The following PSAP variants were observed in gnomAD, a reference collection of about 807,000 sequenced individuals.
PSAP encodes precursor of saposins.
PSAP carries 25 observed loss-of-function variants against 66.0 expected under a neutral mutation model. That is an observed-to-expected ratio of 0.38 (90% CI 0.28 to 0.53). The LOEUF (loss-of-function observed/expected upper bound fraction) is 0.53. PSAP is among the 20% of genes least tolerant of loss of function. The pLI, the probability that PSAP is intolerant of heterozygous loss-of-function variation, is 0.83. For missense variants in PSAP, 649 were observed against 668.8 expected, an observed-to-expected ratio of 0.97 and a Z score of 0.33; for synonymous variants, 273 against 258.9, an observed-to-expected ratio of 1.05 and a Z score of -0.52.
intron 1 of PSAP, among the ~76,000 whole-genome samples, chr10:71,845,127 C>T (rs947855108): frequency 1.3e-5 from 2 of 152,106 alleles, no homozygotes; most frequent in Admixed American, 6.6e-5. Context: ...AAGATTTGGT[C>T]CCACCCACAG....
intron 5 of PSAP, among the ~76,000 whole-genome samples, chr10:71,828,605 A>G (rs547184104): frequency 6.6e-6 from 1 of 152,322 alleles, no homozygotes; most frequent in East Asian, 1.9e-4. Flanking sequence ...TGATCACACC[A>G]CTGCACTCCA....
chr10:71,845,551 C>A (rs1589460298), intron 1 of PSAP, among the ~76,000 whole-genome samples: 1 of 152,198 alleles, frequency 6.6e-6, no homozygotes, highest in Non-Finnish European at 1.5e-5. Context: ...GGAGCTGCTA[C>A]CAGGCTGTTT....
At chr10:71,843,128 C>T (rs1392141220) in intron 1 of PSAP, among the ~76,000 whole-genome samples, 1 of 152,112 alleles carries the variant, frequency 6.6e-6, no homozygotes, top group Non-Finnish European at 1.5e-5. Context: ...TCAGGCACAT[C>T]AGTGGGGAAC....
At chr10:71,822,612 C>G (rs1287653297) in intron 7 of PSAP, 3 of 472,146 alleles carry the variant, frequency 6.4e-6, no homozygotes, top group Non-Finnish European at 8.8e-6. Context: ...GATCCCCTTT[C>G]ACCATTTAGA....
chr10:71,830,004 T>TA (rs1407393939), intron 4 of PSAP, among the ~76,000 whole-genome samples: 2 of 151,728 alleles, frequency 1.3e-5, no homozygotes, highest in Non-Finnish European at 2.9e-5. Context: ...CTCAAAAAAA[T>TA]AAATAAATAA....
In PSAP at chr10:71,828,945, G is replaced by A. The variant is rs761637109; in HGVS notation, c.508C>T (p.Pro170Ser). The change falls in exon 5 of 14, where the codon CCC (proline) becomes TCC (serine). Residue 170 changes from proline to serine, a missense_variant. Physicochemically the swap from Pro to Ser is moderately conservative, Grantham distance 74. Coordinates refer to ENST00000394936, the MANE Select transcript of PSAP (RefSeq NM_002778.4). ...PELDMTEVVA[P>S]FMANIPLLLY... is the part of the protein sequence containing the mutation. ...AGGAGAGGGATGTTGGCCATGAAGG[G>A]GGCCACCACCTCAGTCATGTCCAGC... is the stretch of plus-strand genomic sequence containing the variant. 2.5e-6 allele frequency: 4 copies of A among 1,614,036 alleles called. No homozygotes were observed. The South Asian group carries it at 3.3e-5, about 13-fold the overall frequency.
At position 71,821,966 on chromosome 10, in the gene PSAP, C is replaced by T. The variant is rs1842309545; in HGVS notation, c.819G>A (p.Glu273=). 1 of 1,614,046 alleles carries T rather than the reference C, an allele frequency of 6.2e-7. No homozygotes were observed. Among genetic ancestry groups the T allele is most frequent in the African/African-American group, 1.3e-5 (1 of 74,896 alleles). ...GAGTCTGCATGGGCATCTCTTTCAC[C>T]TCATCACAGAACCCAACCAGCGCAC... ...EICALVGFCD[E]VKEMPMQTLV... The change falls in exon 8 of 14, where the codon GAG becomes GAA. Residue 273 remains glutamate, a synonymous_variant. Transcript: ENST00000394936.
intron 7 of PSAP, among the ~76,000 whole-genome samples, chr10:71,823,606 A>G (rs1295124020): frequency 1.3e-5 from 2 of 152,148 alleles, no homozygotes; most frequent in African/African-American, 2.4e-5. Flanking sequence ...GGTGGCCTGC[A>G]TGTACGTATG....
At chr10:71,835,821 G>GAAAAAAAAAAAAAAAA in intron 1 of PSAP, among the ~76,000 whole-genome samples, 1 of 49,416 alleles carries the variant, frequency 2.0e-5, no homozygotes, top group Non-Finnish European at 4.5e-5. Flanking sequence ...GTCTGAGACA[G>GAAAAAAAAAAAAAAAA]AAAAAAAAAA....
At position 71,819,715 on chromosome 10, in the gene PSAP, G is replaced by T; in HGVS notation, c.1191C>A (p.Thr397=). ...LCSGTRLPAL[T]VHVTQPKDGG... ...TCCCGCACCACACCCAGCGCTCACC[G>T]GTCAGTGCAGGCAGCCGCGTGCCAG... The change falls in exon 10 of 14, where the codon ACC becomes ACA. Residue 397 remains threonine (T), a splice_region_variant and synonymous_variant. Coordinates refer to ENST00000394936, the MANE Select transcript of PSAP (RefSeq NM_002778.4). 6.2e-7 allele frequency: 1 copy of T among 1,614,034 alleles called. No homozygotes were observed. The highest frequency in any genetic ancestry group is 8.5e-7 in the Non-Finnish European group (1 of 1,180,018).
At chr10:71,820,945 G>C (rs761842911) in intron 8 of PSAP, among the ~76,000 whole-genome samples, 2 of 152,238 alleles carry the variant, frequency 1.3e-5, no homozygotes, top group Admixed American at 6.5e-5. Context: ...GGCTGGTGTA[G>C]CCAAGGGGCT....
intron 8 of PSAP, among the ~76,000 whole-genome samples, chr10:71,821,429 G>C (rs1842298527): frequency 1.3e-5 from 2 of 152,190 alleles, no homozygotes; most frequent in South Asian, 4.1e-4. Context: ...AGGTGTTTTA[G>C]TTAAATAAAA....
intron 6 of PSAP, 44 bp downstream of exon 6, chr10:71,827,970 C>T: frequency 6.2e-7 from 1 of 1,613,116 alleles, no homozygotes; most frequent in Non-Finnish European, 8.5e-7. Flanking sequence ...CAGCCCAACT[C>T]CCAGGCCCAG....
At chr10:71,821,634 C>T (rs1422721425) in intron 8 of PSAP, among the ~76,000 whole-genome samples, 1 of 152,144 alleles carries the variant, frequency 6.6e-6, no homozygotes, top group Admixed American at 6.6e-5. Flanking sequence ...AATACACAGG[C>T]TAATGATCCC....
intron 2 of PSAP, 32 bp from the exon 3 acceptor site, chr10:71,831,952 G>A: frequency 6.3e-7 from 1 of 1,591,894 alleles, no homozygotes; most frequent in East Asian, 2.2e-5. Flanking sequence ...ATTTGTATTT[G>A]CAGGACACAA....
intron 1 of PSAP, among the ~76,000 whole-genome samples, chr10:71,847,283 C>G (rs542231611): frequency 1.3e-5 from 2 of 152,246 alleles, no homozygotes; most frequent in African/African-American, 4.8e-5. Context: ...GGTGAAACCC[C>G]ATCTCTACTA....
At chr10:71,826,629 G>A (rs1477130249) in intron 6 of PSAP, among the ~76,000 whole-genome samples, 1 of 152,084 alleles carries the variant, frequency 6.6e-6, no homozygotes, top group Non-Finnish European at 1.5e-5. Context: ...TGTAATCCCA[G>A]CTACTTGGGA....
chr10:71,825,714 A>G, intron 7 of PSAP, 123 bp downstream of exon 7: 1 of 883,842 alleles, frequency 1.1e-6, no homozygotes, highest in South Asian at 1.4e-5. Context: ...GGGTCGATTT[A>G]GCCCAATTCA....
At chr10:71,832,904 C>T (rs1414876627) in intron 2 of PSAP, among the ~76,000 whole-genome samples, 2 of 151,634 alleles carry the variant, frequency 1.3e-5, no homozygotes, top group Non-Finnish European at 2.9e-5. Flanking sequence ...ATAATCCCAG[C>T]TACTTGGCAG....
Sources: allele counts gnomAD v4.1 joint callset (sites outside exome capture counted in the v4.1 genomes callset), GRCh38; gene constraint gnomAD v4.1.1; transcripts MANE v1.5; gene names NCBI Gene and HGNC (gene_info 2026-07-23, HGNC 2026-07-21).